Variants in LMO3 observed in about 807,000 individuals in gnomAD.
The protein encoded by LMO3 is LIM domain only 3.
LMO3 carries 2 observed loss-of-function variants against 15.8 expected under a neutral mutation model. The observed-to-expected ratio is 0.13, with a 90% CI of 0.05 to 0.40. LMO3 has a LOEUF of 0.40. Ranked by LOEUF, LMO3 falls within the 10% of genes least tolerant of loss-of-function variation. The pLI is 0.99. For missense variants in LMO3, 86 were observed against 182.2 expected (o/e 0.47, Z 3.04); for synonymous variants, 62 against 63.8 (o/e 0.97, Z 0.13).
At chr12:16,595,771 G>C (rs1421809665) in intron 2 of LMO3, among the ~76,000 whole-genome samples, 1 of 151,174 alleles carries the variant, frequency 6.6e-6, no homozygotes, top group Non-Finnish European at 1.5e-5. Context: ...ACAATAATAT[G>C]GTGTTTAAAA....
At chr12:16,607,023 A>T (rs1944022781), upstream of LMO3, 1 of 152,220 alleles carries the variant, frequency 6.6e-6, no homozygotes, top group Admixed American at 6.5e-5. Context: ...GAAAAAGCAC[A>T]CAACCCTCCC....
intron 2 of LMO3, among the ~76,000 whole-genome samples, chr12:16,571,273 G>A (rs374069557): frequency 6.6e-6 from 1 of 151,978 alleles, no homozygotes; most frequent in Non-Finnish European, 1.5e-5. Context: ...CGTTACAAAG[G>A]CATCAGTATT....
intron 2 of LMO3, among the ~76,000 whole-genome samples, chr12:16,562,046 T>C (rs889439833): frequency 9.9e-5 from 15 of 152,210 alleles, no homozygotes; most frequent in Non-Finnish European, 2.2e-4. Context: ...GTTCTCCTTT[T>C]GTAATCTGTA....
rs372513646 is a variant in LMO3, at chr12:16,599,298, A to T, written c.206+1357T>A. 1 of 152,372 alleles carries T rather than the reference A, an allele frequency of 6.6e-6. No homozygotes were observed. The highest frequency in any genetic ancestry group is 1.9e-4 in the East Asian group (1 of 5,188). The allele number at this position is 152,372 out of a possible 1,614,324, so 9.4% of individuals were successfully genotyped here. ...GTTTTACGCACTTGGAACACAGAGA[A>T]GTAGTAACAAGTGGCCATAATTAGT... On this transcript the variant is annotated intron_variant, in intron 2 of 3. Transcript: ENST00000537304. This position sits in a 1 kb window ranked among gnomAD's most constrained non-coding sequence, Gnocchi z 4.1.
upstream of LMO3, chr12:16,607,727 C>G (rs1944046143): frequency 6.6e-6 from 1 of 151,826 alleles, no homozygotes; most frequent in African/African-American, 2.4e-5. Context: ...CTTCTCTTCA[C>G]CATCAGTTTT....
At position 16,550,625 on chromosome 12, in the gene LMO3, A is replaced by T. The variant is rs944717431; in HGVS notation, c.*597T>A. The T allele has an allele frequency of 2.0e-5, 3 of 152,262 alleles. No homozygotes were observed. The highest frequency in any genetic ancestry group is 4.4e-5 in the Non-Finnish European group (3 of 67,876). The allele number at this position is 152,262 out of a possible 1,614,324, so 9.4% of individuals were successfully genotyped here. A position where few individuals can be genotyped will look rare whatever the true frequency, so the allele number is the denominator to read the frequency against. On this transcript the variant is annotated 3_prime_UTR_variant, in exon 4 of 4. Coordinates refer to ENST00000537304, the MANE Select transcript of LMO3 (RefSeq NM_018640.5). ...ATAACAAGAACACTGATAGACTCTAACTCATAGCGGCAATAAGTAGTGGAT... is the reference window on the plus strand; with the variant it reads ...ATAACAAGAACACTGATAGACTCTATCTCATAGCGGCAATAAGTAGTGGAT...
chr12:16,603,781 C>T lies in LMO3; in HGVS notation c.-9+2285G>A, dbSNP rs1041863647. On this transcript the variant is annotated intron_variant, in intron 1 of 3. Transcript: ENST00000537304. This position sits in a 1 kb window ranked among gnomAD's most constrained non-coding sequence, Gnocchi z 4.9. ...GTTCTGTACCATTCATCCGCACAGT[C>T]TCAGCTTCAGTAGTTAACACAACAA... 1.3e-5 allele frequency among the ~76,000 whole-genome samples: 2 copies of T among 152,136 alleles called. No homozygotes were observed. The highest frequency in any genetic ancestry group is 6.5e-5 in the Admixed American group (1 of 15,276).
rs186952868 is a variant in LMO3, at chr12:16,553,071, T to C, written c.333-1744A>G. Among the ~76,000 whole-genome samples the C allele has an allele frequency of 1.5e-3, 221 of 152,210 alleles. 1 individual carries two copies. Among genetic ancestry groups the C allele is most frequent in the African/African-American group, 3.7e-3 (154 of 41,576 alleles). ...AAATCTTACCTCAATGTTTGAAACA[T>C]AGGTAAAATAGCCACCTTTTTATGC... On this transcript the variant is annotated intron_variant, in intron 3 of 3. Transcript: ENST00000537304.
chr12:16,577,133 C>T (rs772191827), intron 2 of LMO3, among the ~76,000 whole-genome samples: 1 of 152,076 alleles, frequency 6.6e-6, no homozygotes, highest in East Asian at 1.9e-4. Flanking sequence ...CATCTGTATC[C>T]CTCATATCTA....
In LMO3 at chr12:16,581,988, G is replaced by A. The variant is rs113831071; in HGVS notation, c.206+18667C>T. On this transcript the variant is annotated intron_variant, in intron 2 of 3. Transcript: ENST00000537304. ...TTTACTATTTATATTTATTTACTTC[G>A]TTTTCTTATCTTATTACATTGGCTA... is the stretch of plus-strand genomic sequence containing the variant. 3.9e-3 allele frequency among the ~76,000 whole-genome samples: 588 copies of A among 151,830 alleles called. 3 individuals carry two copies. Among genetic ancestry groups the A allele is most frequent in the Middle Eastern group, 0.01 (3 of 294 alleles).
At chr12:16,595,839 G>A (rs1243662619) in intron 2 of LMO3, among the ~76,000 whole-genome samples, 1 of 151,326 alleles carries the variant, frequency 6.6e-6, no homozygotes, top group Non-Finnish European at 1.5e-5. Context: ...TCATATAAAA[G>A]TTTATGCTTT....
At chr12:16,553,181 C>G (rs1264869663) in intron 3 of LMO3, among the ~76,000 whole-genome samples, 3 of 152,060 alleles carry the variant, frequency 2.0e-5, no homozygotes, top group African/African-American at 4.8e-5. Context: ...ATTGTCATGG[C>G]TTTTTACAGA....
intron 2 of LMO3, among the ~76,000 whole-genome samples, chr12:16,562,611 C>A (rs1397555460): frequency 6.6e-6 from 1 of 152,178 alleles, no homozygotes; most frequent in Non-Finnish European, 1.5e-5. Context: ...CCACTGGGAC[C>A]TGAGACCTGC....
chr12:16,586,465 T>C lies in LMO3; in HGVS notation c.206+14190A>G, dbSNP rs1346923519. 2.0e-5 allele frequency among the ~76,000 whole-genome samples: 3 copies of C among 152,204 alleles called. No individual in the cohort carries two copies. Among genetic ancestry groups the C allele is most frequent in the African/African-American group, 4.8e-5 (2 of 41,462 alleles). On this transcript the variant is annotated intron_variant, in intron 2 of 3. Transcript: ENST00000537304. This position sits in a 1 kb window ranked among gnomAD's most constrained non-coding sequence, Gnocchi z 4.3. ...GCTGAGTCACAGAGGCCCTGGACAA[T>C]GTGTCTGGACAAATCTCACGCTAAG...
upstream of LMO3, chr12:16,607,799 T>A (rs1321504908): frequency 1.3e-5 from 2 of 150,508 alleles, no homozygotes; most frequent in African/African-American, 4.9e-5. Flanking sequence ...TTAAGCTAAA[T>A]TTTGTTTTTC....
intron 2 of LMO3, among the ~76,000 whole-genome samples, chr12:16,562,720 T>G (rs1942446833): frequency 6.6e-6 from 1 of 152,214 alleles, no homozygotes; most frequent in Non-Finnish European, 1.5e-5. Context: ...TCAATCTCAC[T>G]TCCAGGCCCA....
At position 16,582,741 on chromosome 12, in the gene LMO3, G is replaced by A. The variant is rs1233884808; in HGVS notation, c.206+17914C>T. Among the ~76,000 whole-genome samples, 1 of 152,110 alleles carries A rather than the reference G, an allele frequency of 6.6e-6. No individual in the cohort carries two copies. Among genetic ancestry groups the A allele is most frequent in the East Asian group, 1.9e-4 (1 of 5,172 alleles). ...TCTTTTAAGTATCTGATTGGGATGA[G>A]ACGCCCAGAAAAGAATCAGAACTAG... On this transcript the variant is annotated intron_variant, in intron 2 of 3. Coordinates refer to ENST00000537304, the MANE Select transcript of LMO3 (RefSeq NM_018640.5). The surrounding 1 kb of genome is among the most constrained non-coding windows in gnomAD (Gnocchi z 4.1).
At chr12:16,601,780 CATAA>C (rs1943832509) in intron 1 of LMO3, 1 of 152,070 alleles carries the variant, frequency 6.6e-6, no homozygotes, top group Admixed American at 6.6e-5. Flanking sequence ...ATAAATCCAT[CATAA>C]ATAAGGAATC....
At chr12:16,609,566 T>G (rs1944087959), upstream of LMO3, among the ~76,000 whole-genome samples, 1 of 152,026 alleles carries the variant, frequency 6.6e-6, no homozygotes, top group Admixed American at 6.6e-5. Context: ...ATGAGAGAAT[T>G]TACTTCATCC....
Sources: allele counts gnomAD v4.1 joint callset (sites outside exome capture counted in the v4.1 genomes callset), GRCh38; gene constraint gnomAD v4.1.1; non-coding constraint Gnocchi (gnomAD v3.1); transcripts MANE v1.5; gene names NCBI Gene and HGNC (gene_info 2026-07-23, HGNC 2026-07-21).